Variants in COL15A1 observed in about 807,000 individuals in gnomAD.
COL15A1 encodes the protein collagen type XV alpha 1 chain.
COL15A1 carries 111 observed loss-of-function variants against 165.9 expected under a neutral mutation model. The observed-to-expected ratio is 0.67, with a 90% CI of 0.57 to 0.78. The LOEUF is 0.78. Ranked by LOEUF, COL15A1 falls within the 30% of genes least tolerant of loss-of-function variation. COL15A1 has a pLI of 0.00. For missense variants in COL15A1, 1,745 were observed against 1,789.7 expected (o/e 0.98, Z 0.45); for synonymous variants, 659 against 674.8 (o/e 0.98, Z 0.36).
chr9:99,037,188 A>G (rs538969111), intron 21 of COL15A1, among the ~76,000 whole-genome samples: 2 of 152,212 alleles, frequency 1.3e-5, no homozygotes, highest in Non-Finnish European at 2.9e-5. Flanking sequence ...TCATCCTTCA[A>G]ACCCCCATCA....
intron 35 of COL15A1, 137 bp downstream of exon 35, chr9:99,056,541 A>G: frequency 1.5e-6 from 2 of 1,291,736 alleles, no homozygotes; most frequent in South Asian, 1.7e-5. Flanking sequence ...TTTTTTTTTT[A>G]ATTGAGATAC....
At chr9:99,068,773 A>C in intron 41 of COL15A1, 103 bp downstream of exon 41, 1 of 702,556 alleles carries the variant, frequency 1.4e-6, no homozygotes, top group Non-Finnish European at 2.4e-6. Flanking sequence ...GATATTGCCA[A>C]CATAAAGCCA....
chr9:99,015,581 G>A lies in COL15A1; in HGVS notation c.1503+15G>A. The A allele has an allele frequency of 6.2e-7, 1 of 1,612,466 alleles. No individual in the cohort carries two copies. Among genetic ancestry groups the A allele is most frequent in the East Asian group, 2.2e-5 (1 of 44,870 alleles). ...CAGTCACTTCTGTAAGTGTCATCTT[G>A]TGTCCTCTCTGGCTCACAGGGGAGA... On this transcript the variant is annotated intron_variant, in intron 10 of 41. Transcript: ENST00000375001.
Position 99,046,568 on chromosome 9 carries a change from G to A in COL15A1, c.2680-1218G>A, listed in dbSNP as rs190306549. ...AGGCCTTAGGAAACTTACAATTGTG[G>A]TGGGAGGCATCTCATCACAGGGCAG... On this transcript the variant is annotated intron_variant, in intron 26 of 41. Transcript: ENST00000375001. 5.3e-5 allele frequency among the ~76,000 whole-genome samples: 8 copies of A among 152,334 alleles called. No homozygotes were observed. In the East Asian group the frequency reaches 5.8e-4, roughly 11 times the overall value.
At chr9:98,997,785 AT>A (rs1838573773) in intron 6 of COL15A1, 1 of 152,196 alleles carries the variant, frequency 6.6e-6, no homozygotes, top group Non-Finnish European at 1.5e-5. Flanking sequence ...GTCAAACACT[AT>A]CCCCCAGGCA....
At position 99,068,595 on chromosome 9, in the gene COL15A1, G is replaced by A. The variant is rs141581682; in HGVS notation, c.3878G>A (p.Gly1293Asp). 4.6e-4 allele frequency: 711 copies of A among 1,545,332 alleles called. 1 individual carries two copies. Among genetic ancestry groups the A allele is most frequent in the Non-Finnish European group, 5.8e-4 (672 of 1,156,336 alleles). The change falls in exon 41 of 42, where the codon GGC becomes GAC. Residue 1293 changes from glycine (G) to aspartate (D), a missense_variant. Coordinates refer to ENST00000375001, the MANE Select transcript of COL15A1 (RefSeq NM_001855.5). ...AATAATTGGGACTCAATTTTTTCTG[G>A]CCACGGAGGTCAGTTCAATATGCAT... ...LFNNWDSIFS[G>D]HGGQFNMHIP...
intron 5 of COL15A1, among the ~76,000 whole-genome samples, chr9:98,990,270 G>A (rs1196302987): frequency 6.6e-6 from 1 of 152,218 alleles, no homozygotes; most frequent in Non-Finnish European, 1.5e-5. Flanking sequence ...TGACTGAAGG[G>A]TGTATGGGCC....
intron 2 of COL15A1, among the ~76,000 whole-genome samples, 199 bp from the exon 3 acceptor site, chr9:98,985,366 G>C (rs747696306): frequency 6.6e-6 from 1 of 152,204 alleles, no homozygotes. Context: ...CTGTCTACAC[G>C]TGTGTATATT....
chr9:99,018,536 T>A (rs1838973463), intron 11 of COL15A1, among the ~76,000 whole-genome samples: 1 of 152,224 alleles, frequency 6.6e-6, no homozygotes, highest in Non-Finnish European at 1.5e-5. Context: ...GCCTTTGTTG[T>A]TGCCGCTTTT....
chr9:99,020,605 A>C (rs1312535613), intron 12 of COL15A1, among the ~76,000 whole-genome samples, 163 bp downstream of exon 12: 3 of 152,218 alleles, frequency 2.0e-5, no homozygotes, highest in African/African-American at 7.2e-5. Flanking sequence ...GAATCAGGAA[A>C]AGGGCACTGG....
At chr9:99,055,799 G>C (rs1007547863) in intron 34 of COL15A1, among the ~76,000 whole-genome samples, 13 of 152,192 alleles carry the variant, frequency 8.5e-5, no homozygotes, top group Non-Finnish European at 1.0e-4. Flanking sequence ...GATTTTTCCA[G>C]GTGAAAGGAG....
At chr9:99,050,986 A>G (rs1043788175) in intron 30 of COL15A1, among the ~76,000 whole-genome samples, 5 of 152,218 alleles carry the variant, frequency 3.3e-5, no homozygotes, top group African/African-American at 1.2e-4. Context: ...TCCAGGCTCT[A>G]CATGGAGACA....
At chr9:99,048,153 C>T (rs1384388662) in intron 28 of COL15A1, among the ~76,000 whole-genome samples, 153 bp downstream of exon 28, 2 of 152,166 alleles carry the variant, frequency 1.3e-5, no homozygotes, top group African/African-American at 4.8e-5. Context: ...CCAGCCCTGT[C>T]CTTCAGCTCC....
At chr9:99,000,458 A>G (rs1360289660) in intron 6 of COL15A1, among the ~76,000 whole-genome samples, 1 of 152,158 alleles carries the variant, frequency 6.6e-6, no homozygotes, top group Admixed American at 6.5e-5. Flanking sequence ...ACGTAAAACC[A>G]TATCAACAAT....
At position 99,035,015 on chromosome 9, in the gene COL15A1, G is replaced by A; in HGVS notation, c.2081G>A (p.Gly694Asp). 6.2e-7 allele frequency: 1 copy of A among 1,613,102 alleles called. No individual in the cohort carries two copies. Among genetic ancestry groups the A allele is most frequent in the Non-Finnish European group, 8.5e-7 (1 of 1,179,254 alleles). The change falls in exon 18 of 42, where the codon GGT becomes GAT. Residue 694 changes from glycine (G) to aspartate (D), a missense_variant and splice_region_variant. Gly to Asp is a moderately conservative substitution (Grantham distance 94). Coordinates refer to ENST00000375001, the MANE Select transcript of COL15A1 (RefSeq NM_001855.5). ...RGPNGSVGEKGDPGNRGLPGP... is the reference protein window; with the variant it reads ...RGPNGSVGEKDDPGNRGLPGP... Reference sequence around the variant, plus strand: ...ATCAGCCTGCCCTCTTTCCTACAGGGTGACCCTGGCAACAGAGGCTTACCT... The same window carrying A: ...ATCAGCCTGCCCTCTTTCCTACAGGATGACCCTGGCAACAGAGGCTTACCT...
intron 9 of COL15A1, among the ~76,000 whole-genome samples, chr9:99,007,915 T>C (rs1478711069): frequency 6.6e-6 from 1 of 152,154 alleles, no homozygotes; most frequent in African/African-American, 2.4e-5. Context: ...ATAATAAAAA[T>C]TGAAAAACAT....
rs1365603548 is a variant in COL15A1, at chr9:99,057,151, T to G, written c.3337+747T>G. Among the ~76,000 whole-genome samples, 10 of 152,334 alleles carry G rather than the reference T, an allele frequency of 6.6e-5. No individual in the cohort carries two copies. In the East Asian group the frequency reaches 1.7e-3, roughly 26 times the overall value. Reference sequence around the variant, plus strand: ...TTTTCCGAAGGAGTCACAACATTTCTCATTCCCATCAGCAGTGGCAGTGTA... The same window carrying G: ...TTTTCCGAAGGAGTCACAACATTTCGCATTCCCATCAGCAGTGGCAGTGTA... On this transcript the variant is annotated intron_variant, in intron 35 of 41. Transcript: ENST00000375001.
At position 99,042,078 on chromosome 9, in the gene COL15A1, C is replaced by T. The variant is rs916255513; in HGVS notation, c.2545C>T (p.Pro849Ser). ...AGGACCAAAAGGTGACACTGGTTTACCTGGCTTTCCAGGACTAAAAGGAGA... is the reference window on the plus strand; with the variant it reads ...AGGACCAAAAGGTGACACTGGTTTATCTGGCTTTCCAGGACTAAAAGGAGA... ...PRGPKGDTGL[P>S]GFPGLKGEQG... The change falls in exon 24 of 42, where the codon CCT (proline) becomes TCT (serine). Residue 849 changes from proline to serine, a missense_variant. Physicochemically the swap from Pro to Ser is moderately conservative, Grantham distance 74. Coordinates refer to ENST00000375001, the MANE Select transcript of COL15A1 (RefSeq NM_001855.5). 12 of 1,612,086 alleles carry T rather than the reference C, an allele frequency of 7.4e-6. No individual in the cohort carries two copies. The Admixed American group carries it at 1.0e-4, about 13-fold the overall frequency.
In COL15A1 at chr9:99,016,086, G is replaced by T; in HGVS notation, c.1614G>T (p.Leu538=). 6.2e-7 allele frequency: 1 copy of T among 1,613,152 alleles called. No individual in the cohort carries two copies. The highest frequency in any genetic ancestry group is 1.7e-4 in the Middle Eastern group (1 of 6,038). The part of the protein sequence containing the change: ...SPPPDGPPLP[L]PTVAPERWIT... ...CCCCTGATGGGCCACCGCTGCCCCTGCCCACAGTGGCTCCTGAAAGATGGA... is the reference window on the plus strand; with the variant it reads ...CCCCTGATGGGCCACCGCTGCCCCTTCCCACAGTGGCTCCTGAAAGATGGA... The change falls in exon 11 of 42, where the codon CTG becomes CTT. Residue 538 remains leucine (L), a synonymous_variant. Coordinates refer to ENST00000375001, the MANE Select transcript of COL15A1 (RefSeq NM_001855.5).
Sources: allele counts gnomAD v4.1 joint callset (sites outside exome capture counted in the v4.1 genomes callset), GRCh38; gene constraint gnomAD v4.1.1; transcripts MANE v1.5; gene names NCBI Gene and HGNC (gene_info 2026-07-23, HGNC 2026-07-21).